Variants in C3orf33 observed in about 807,000 individuals in gnomAD.
The protein encoded by C3orf33 is AP-1 activity suppressor.
C3orf33 carries 23 observed loss-of-function variants against 28.7 expected under a neutral mutation model. That is an observed-to-expected ratio of 0.80 (90% CI 0.58 to 1.13). The LOEUF is 1.13. Among genes scored for constraint, C3orf33 ranks in the 50% most tolerant of loss-of-function variants. The pLI is 0.00. For synonymous variants in C3orf33, 119 were observed against 120.5 expected, an observed-to-expected ratio of 0.99 and a Z score of 0.08; for missense variants, 327 against 353.4, an observed-to-expected ratio of 0.93 and a Z score of 0.60.
At chr3:155,765,468 T>C (rs140656477) in intron 4 of C3orf33, among the ~76,000 whole-genome samples, 5 of 152,364 alleles carry the variant, frequency 3.3e-5, no homozygotes, top group Admixed American at 6.5e-5. Context: ...CTCTTTAACT[T>C]AAAAGCTAAT....
chr3:155,769,485 C>CAAAAA (rs59639224), intron 3 of C3orf33, among the ~76,000 whole-genome samples: 1 of 84,324 alleles, frequency 1.2e-5, no homozygotes, highest in African/African-American at 3.9e-5. Flanking sequence ...GAGACTGTTT[C>CAAAAA]AAAAAAAAAA....
At chr3:155,782,171 A>T (rs1750945772) in intron 2 of C3orf33, among the ~76,000 whole-genome samples, 1 of 151,904 alleles carries the variant, frequency 6.6e-6, no homozygotes, top group African/African-American at 2.4e-5. Flanking sequence ...CCGTCTAAAA[A>T]AAAAAAAAAA....
chr3:155,769,516 A>G (rs1186369011), intron 3 of C3orf33, among the ~76,000 whole-genome samples: 1 of 152,020 alleles, frequency 6.6e-6, no homozygotes, highest in Admixed American at 6.6e-5. Flanking sequence ...AGAAGAAGAA[A>G]AAGGTATTTG....
chr3:155,782,054 A>T (rs374756328), intron 2 of C3orf33, among the ~76,000 whole-genome samples: 1 of 151,976 alleles, frequency 6.6e-6, no homozygotes, highest in Non-Finnish European at 1.5e-5. Context: ...TCTACTAAAA[A>T]TACAAAATTA....
chr3:155,784,080 T>C (rs981955965), intron 2 of C3orf33, among the ~76,000 whole-genome samples: 1 of 151,886 alleles, frequency 6.6e-6, no homozygotes, highest in Non-Finnish European at 1.5e-5. Context: ...TACAGGCATG[T>C]GCCACCAGGC....
chr3:155,794,508 T>G (rs922803566), intron 2 of C3orf33, among the ~76,000 whole-genome samples: 1 of 151,408 alleles, frequency 6.6e-6, no homozygotes, highest in African/African-American at 2.4e-5. Flanking sequence ...AAAAAAAAAT[T>G]TTTTAATGAC....
At chr3:155,789,827 G>T (rs1003491028) in intron 2 of C3orf33, among the ~76,000 whole-genome samples, 1 of 152,092 alleles carries the variant, frequency 6.6e-6, no homozygotes, top group South Asian at 2.1e-4. Context: ...ACAATTAAAT[G>T]ATTTTCAACA....
intron 2 of C3orf33, among the ~76,000 whole-genome samples, chr3:155,776,855 A>G (rs1391804500): frequency 2.6e-5 from 4 of 151,580 alleles, no homozygotes; most frequent in African/African-American, 4.8e-5. Flanking sequence ...AGAATAGTGT[A>G]GGAGACAAAC....
intron 2 of C3orf33, among the ~76,000 whole-genome samples, chr3:155,782,116 C>T (rs140440544): frequency 1.4e-4 from 21 of 149,714 alleles, no homozygotes; most frequent in South Asian, 4.2e-4. Context: ...CAGGCTGAGC[C>T]GAGATCATGC....
chr3:155,786,627 G>A (rs1751124538), intron 2 of C3orf33, among the ~76,000 whole-genome samples: 2 of 152,118 alleles, frequency 1.3e-5, no homozygotes, highest in South Asian at 4.1e-4. Flanking sequence ...AGGAGTTTGA[G>A]ACCAACCTGG....
At chr3:155,768,534 T>G (rs1750481977) in intron 3 of C3orf33, among the ~76,000 whole-genome samples, 2 of 152,172 alleles carry the variant, frequency 1.3e-5, no homozygotes, top group African/African-American at 4.8e-5. Flanking sequence ...AATGTAATTT[T>G]AATAACAAGA....
At chr3:155,788,678 CA>C (rs556958457) in intron 2 of C3orf33, among the ~76,000 whole-genome samples, 1,338 of 123,750 alleles carry the variant, frequency 0.011, 5 homozygotes, top group East Asian at 0.02. Context: ...GAGACTCCAT[CA>C]AAAAAAAAAA....
At chr3:155,781,170 T>C (rs1021057106) in intron 2 of C3orf33, among the ~76,000 whole-genome samples, 1 of 150,752 alleles carries the variant, frequency 6.6e-6, no homozygotes, top group African/African-American at 2.5e-5. Flanking sequence ...GCTAATTTTT[T>C]TTTTTGTATT....
chr3:155,803,490 G>C (rs1751713294), intron 1 of C3orf33, among the ~76,000 whole-genome samples: 1 of 150,888 alleles, frequency 6.6e-6, no homozygotes, highest in African/African-American at 2.4e-5. Flanking sequence ...GTTTGAATCG[G>C]GGAGGCAGAG....
chr3:155,804,382 C>A (rs929226766), intron 1 of C3orf33, among the ~76,000 whole-genome samples: 6 of 152,168 alleles, frequency 3.9e-5, no homozygotes, highest in Middle Eastern at 3.2e-3. Flanking sequence ...CCAATTAACA[C>A]ATATATTATT....
intron 1 of C3orf33, chr3:155,805,562 TAAA>T: frequency 2.3e-6 from 1 of 430,486 alleles, no homozygotes; most frequent in Non-Finnish European, 4.5e-6. Flanking sequence ...TCTCTAACTC[TAAA>T]AGAAAGTAGT....
chr3:155,779,697 A>T (rs1750860285), intron 2 of C3orf33, among the ~76,000 whole-genome samples: 6 of 152,248 alleles, frequency 3.9e-5, no homozygotes. Context: ...AGGAGAACTG[A>T]CAGTACTTTG....
chr3:155,798,761 T>G (rs1025267099), intron 2 of C3orf33, among the ~76,000 whole-genome samples: 2 of 151,512 alleles, frequency 1.3e-5, no homozygotes, highest in Non-Finnish European at 2.9e-5. Flanking sequence ...AAAGAAAAAA[T>G]AGACAAACAG....
intron 1 of C3orf33, 70 bp from the exon 2 acceptor site, chr3:155,802,661 G>A: frequency 8.2e-7 from 1 of 1,219,358 alleles, no homozygotes. Flanking sequence ...CTAATTAGAA[G>A]GTAGAAAAAA....
Sources: allele counts gnomAD v4.1 joint callset (sites outside exome capture counted in the v4.1 genomes callset), GRCh38; gene constraint gnomAD v4.1.1; transcripts MANE v1.5; gene names NCBI Gene and HGNC (gene_info 2026-07-23, HGNC 2026-07-21).